PFAS: variants seen among roughly 807,000 people sequenced by gnomAD.
PFAS encodes the protein phosphoribosylformylglycinamidine synthase, also known as FGAM synthase.
Under a neutral mutation model 140.6 loss-of-function variants are expected in PFAS, and 97 were observed. That is an observed-to-expected ratio of 0.69 (90% CI 0.59 to 0.82). The LOEUF is 0.82. PFAS is among the 40% of genes least tolerant of loss of function. The probability of loss-of-function intolerance (pLI) is 0.00; values close to 1 mark genes in which losing one functional copy is unlikely to be tolerated. For missense variants in PFAS, 1,656 were observed against 1,780.2 expected (o/e 0.93, Z 1.26); for synonymous variants, 679 against 718.8 (o/e 0.94, Z 0.88).
At chr17:8,268,166 A>AT (rs1025891207) in intron 26 of PFAS, among the ~76,000 whole-genome samples, 43 of 145,058 alleles carry the variant, frequency 3.0e-4, no homozygotes, top group African/African-American at 1.0e-3. Flanking sequence ...GGTTCAAGCG[A>AT]TTTTCCTGCC....
At chr17:8,256,789 G>A (rs573176700) in intron 8 of PFAS, 46 bp from the exon 9 acceptor site, 26 of 1,559,948 alleles carry the variant, frequency 1.7e-5, no homozygotes, top group Non-Finnish European at 2.1e-5. Context: ...AGAGATGGGG[G>A]TTTGTCTCTG....
At chr17:8,268,483 C>G in intron 26 of PFAS, 50 bp from the exon 27 acceptor site, 2 of 1,426,164 alleles carry the variant, frequency 1.4e-6, no homozygotes, top group South Asian at 2.4e-5. Flanking sequence ...TCCCAATTCC[C>G]TTTTTTGAGG....
chr17:8,248,180 TAG>T (rs1988947533), upstream of PFAS: 3 of 668,780 alleles, frequency 4.5e-6, no homozygotes, highest in Non-Finnish European at 8.1e-6. Flanking sequence ...CCTCGCTTCC[TAG>T]AGACTCCGCG....
rs1435806635 is a variant in PFAS, at chr17:8,264,936, C to T, written c.2091C>T (p.Cys697=). The T allele has an allele frequency of 4.4e-6, 7 of 1,606,334 alleles. No homozygotes were observed. The highest frequency in any genetic ancestry group is 2.7e-5 in the African/African-American group (2 of 74,804). Residue 697 remains cysteine (C), a synonymous_variant, in exon 18 of 28, where the codon TGC becomes TGT. Coordinates refer to ENST00000314666, the MANE Select transcript of PFAS (RefSeq NM_012393.3). Reference sequence around the variant, plus strand: ...GAGGCCTGGTGGCCCAGCAGCAGTGCGTGGGGCCCCTGCAAACTCCTCTGG... The same window carrying T: ...GAGGCCTGGTGGCCCAGCAGCAGTGTGTGGGGCCCCTGCAAACTCCTCTGG... ...SVGGLVAQQQ[C]VGPLQTPLAD... is the part of the protein sequence containing the mutation.
Position 8,263,944 on chromosome 17 carries a change from G to A in PFAS, c.1791+8G>A. 4 of 1,611,004 alleles carry A rather than the reference G, an allele frequency of 2.5e-6. No homozygotes were observed. The highest frequency in any genetic ancestry group is 3.4e-6 in the Non-Finnish European group (4 of 1,179,864). The stretch of plus-strand genomic sequence containing the variant: ...ATCACTGGAGACCGGAGAGTGAGTT[G>A]GCCCAGGGAGTTGGGAGCAAACACT... On this transcript the variant is annotated splice_region_variant and intron_variant, in intron 15 of 27. Coordinates refer to ENST00000314666, the MANE Select transcript of PFAS (RefSeq NM_012393.3).
intron 26 of PFAS, 91 bp from the exon 27 acceptor site, chr17:8,268,442 G>T: frequency 2.5e-6 from 2 of 816,292 alleles, no homozygotes; most frequent in Non-Finnish European, 3.9e-6. Context: ...AAAGAAAAAA[G>T]AAAAGAAACA....
At chr17:8,248,995 C>T (rs1316864964), upstream of PFAS, among the ~76,000 whole-genome samples, 1 of 152,194 alleles carries the variant, frequency 6.6e-6, no homozygotes, top group African/African-American at 2.4e-5. Context: ...CTGATCTTGC[C>T]AAGCAGAGAA....
In PFAS at chr17:8,265,552, A is replaced by G. The variant is rs375536747; in HGVS notation, c.2462-4A>G. The G allele has an allele frequency of 2.2e-5, 36 of 1,613,880 alleles. No individual in the cohort carries two copies. In the East Asian group the frequency reaches 6.2e-4, roughly 28 times the overall value. ...ATTCCTTTGGACTCCTCCTTGCTCTACAGGGTCACTGGTCATCTCAGCCTA... is the reference window on the plus strand; with the variant it reads ...ATTCCTTTGGACTCCTCCTTGCTCTGCAGGGTCACTGGTCATCTCAGCCTA... On this transcript the variant is annotated splice_polypyrimidine_tract_variant and splice_region_variant and intron_variant, in intron 19 of 27. Transcript: ENST00000314666.
Position 8,269,196 on chromosome 17 carries a change from C to CT in PFAS, c.3950dup (p.Thr1318AspfsTer45). On this transcript the variant is annotated frameshift_variant, in exon 28 of 28. Transcript: ENST00000314666. LOFTEE classifies it high-confidence loss of function. Reference sequence around the variant, plus strand: ...ATGGCGACCCCCTCCATTTGATACTCTGACCACCTCCCCCTGGCTCCAGCT... The same window carrying CT: ...ATGGCGACCCCCTCCATTTGATACTCTTGACCACCTCCCCCTGGCTCCAGCT... 6.2e-7 allele frequency: 1 copy of CT among 1,613,626 alleles called. No homozygotes were observed. Among genetic ancestry groups the CT allele is most frequent in the Non-Finnish European group, 8.5e-7 (1 of 1,179,896 alleles).
chr17:8,264,048 G>A lies in PFAS; in HGVS notation c.1791+112G>A, dbSNP rs147946039. On this transcript the variant is annotated intron_variant, in intron 15 of 27. Coordinates refer to ENST00000314666, the MANE Select transcript of PFAS (RefSeq NM_012393.3). The stretch of plus-strand genomic sequence containing the variant: ...AGAGACGAGAGGAAGATGGGAGGTA[G>A]TGGCAAACAAGCTGTGGGGAATGTT... 286 of 1,469,458 alleles carry A rather than the reference G, an allele frequency of 1.9e-4. No homozygotes were observed. In the African/African-American group the frequency reaches 3.4e-3, roughly 17 times the overall value. The allele number at this position is 1,469,458 out of a possible 1,614,324, so 91.0% of individuals were successfully genotyped here.
At position 8,256,413 on chromosome 17, in the gene PFAS, G is replaced by A; in HGVS notation, c.821+6G>A. 1 of 1,614,054 alleles carries A rather than the reference G, an allele frequency of 6.2e-7. No homozygotes were observed. The highest frequency in any genetic ancestry group is 8.5e-7 in the Non-Finnish European group (1 of 1,180,010). The stretch of plus-strand genomic sequence containing the variant: ...AAATTCTGTGATAACAGCAGGTGCT[G>A]TGCCCTAGACTGGGTTGGCGTCAGG... On this transcript the variant is annotated splice_donor_region_variant and intron_variant, in intron 7 of 27. Coordinates refer to ENST00000314666, the MANE Select transcript of PFAS (RefSeq NM_012393.3).
Position 8,266,283 on chromosome 17 carries a change from A to G in PFAS, c.2751A>G (p.Thr917=). The G allele has an allele frequency of 6.2e-7, 1 of 1,614,066 alleles. No individual in the cohort carries two copies. The highest frequency in any genetic ancestry group is 8.5e-7 in the Non-Finnish European group (1 of 1,179,968). The change falls in exon 22 of 28, where the codon ACA becomes ACG. Residue 917 remains threonine (T), a synonymous_variant. Coordinates refer to ENST00000314666, the MANE Select transcript of PFAS (RefSeq NM_012393.3). This position sits in a 1 kb window ranked among gnomAD's most constrained non-coding sequence, Gnocchi z 5.0. ...GHDVSDGGLV[T]CLLEMAFAGN... ...ATGTCAGTGACGGAGGCCTCGTCAC[A>G]TGCCTGCTGGAGATGGCCTTTGCTG...
At position 8,263,697 on chromosome 17, in the gene PFAS, A is replaced by G. The variant is rs1453042814; in HGVS notation, c.1629+61A>G. On this transcript the variant is annotated intron_variant, in intron 14 of 27. Transcript: ENST00000314666. ...CCCCTGCCAGCCCCAGCCCGCTTCC[A>G]CCCATCTCTCTTGCAACAACATGAG... The G allele has an allele frequency of 6.2e-6, 10 of 1,603,026 alleles. No homozygotes were observed. The African/African-American group carries it at 1.2e-4, about 19-fold the overall frequency.
chr17:8,266,071 C>T lies in PFAS; in HGVS notation c.2701+54C>T, dbSNP rs760489140. ...CACAGGGTGCCAGGCGTGCAGCAGGCGTTCACCATCTGAGCAGTGGGGCAA... is the reference window on the plus strand; with the variant it reads ...CACAGGGTGCCAGGCGTGCAGCAGGTGTTCACCATCTGAGCAGTGGGGCAA... On this transcript the variant is annotated intron_variant, in intron 21 of 27. Coordinates refer to ENST00000314666, the MANE Select transcript of PFAS (RefSeq NM_012393.3). The surrounding 1 kb of genome is among the most constrained non-coding windows in gnomAD (Gnocchi z 5.0). 11 of 1,544,714 alleles carry T rather than the reference C, an allele frequency of 7.1e-6. No homozygotes were observed. The highest frequency in any genetic ancestry group is 2.7e-5 in the African/African-American group (2 of 73,608).
Position 8,255,060 on chromosome 17 carries a change from C to T in PFAS, c.312C>T (p.Ile104=), listed in dbSNP as rs762239574. ...LNFSTPTSTN[I]VSVCRATGLG... is the part of the protein sequence containing the mutation. Reference sequence around the variant, plus strand: ...TCTCCACCCCAACATCCACCAACATCGTGTCAGTGTGCCGCGCCACTGGGC... The same window carrying T: ...TCTCCACCCCAACATCCACCAACATTGTGTCAGTGTGCCGCGCCACTGGGC... The change falls in exon 4 of 28, where the codon ATC becomes ATT. Residue 104 remains isoleucine, a synonymous_variant. Coordinates refer to ENST00000314666, the MANE Select transcript of PFAS (RefSeq NM_012393.3). 6.2e-6 allele frequency: 10 copies of T among 1,613,972 alleles called. No homozygotes were observed. The highest frequency in any genetic ancestry group is 2.2e-5 in the South Asian group (2 of 91,076).
In PFAS at chr17:8,268,871, A is replaced by G. The variant is rs779322831; in HGVS notation, c.3706+15A>G. 1.2e-6 allele frequency: 2 copies of G among 1,610,484 alleles called. No individual in the cohort carries two copies. The highest frequency in any genetic ancestry group is 1.7e-6 in the Non-Finnish European group (2 of 1,179,390). On this transcript the variant is annotated intron_variant, in intron 27 of 27. Coordinates refer to ENST00000314666, the MANE Select transcript of PFAS (RefSeq NM_012393.3). ...GCACGGGGAAGGTCAGGCCCAAGGA[A>G]GGCTGGGGGAGGGCCCGAGGGTTGG...
chr17:8,255,177 A>G, intron 4 of PFAS, 45 bp downstream of exon 4: 1 of 1,359,842 alleles, frequency 7.4e-7, no homozygotes, highest in Non-Finnish European at 1.0e-6. Flanking sequence ...CCAGAGATAC[A>G]AGATTAGATC....
chr17:8,268,392 A>G, intron 26 of PFAS, 141 bp from the exon 27 acceptor site: 1 of 628,272 alleles, frequency 1.6e-6, no homozygotes, highest in Non-Finnish European at 2.7e-6. Context: ...AAAAAAAGAA[A>G]GAAGGAAAGG....
In PFAS at chr17:8,268,999, C is replaced by G; in HGVS notation, c.3752C>G (p.Ala1251Gly). The G allele has an allele frequency of 1.2e-6, 2 of 1,614,174 alleles. No individual in the cohort carries two copies. Among genetic ancestry groups the G allele is most frequent in the Non-Finnish European group, 1.7e-6 (2 of 1,179,996 alleles). The change falls in exon 28 of 28, where the codon GCC becomes GGC. Residue 1251 changes from alanine (A) to glycine (G), a missense_variant. Coordinates refer to ENST00000314666, the MANE Select transcript of PFAS (RefSeq NM_012393.3). ...CCGGAACTCCAAGCTCAGATTGAGG[C>G]CAGGGGCTTGGCTCCACTGCACTGG... ...SSPELQAQIE[A>G]RGLAPLHWAD...
Sources: allele counts gnomAD v4.1 joint callset (sites outside exome capture counted in the v4.1 genomes callset), GRCh38; gene constraint gnomAD v4.1.1; non-coding constraint Gnocchi (gnomAD v3.1); transcripts MANE v1.5; gene names NCBI Gene and HGNC (gene_info 2026-07-23, HGNC 2026-07-21).